RAP1GDS1: variants seen among roughly 807,000 people sequenced by gnomAD.
The protein encoded by RAP1GDS1 is RAP1, GTP-GDP dissociation stimulator 1.
In RAP1GDS1, 35 loss-of-function variants were observed where a neutral mutation model predicts 71.1. The ratio of observed to expected loss-of-function variants is 0.49; its 90% CI spans 0.38 to 0.65. RAP1GDS1 has a LOEUF of 0.65. Ranked by LOEUF, RAP1GDS1 falls within the 30% of genes least tolerant of loss-of-function variation. RAP1GDS1 has a pLI of 0.00. For synonymous variants in RAP1GDS1, 229 were observed against 243.1 expected, an observed-to-expected ratio of 0.94 and a Z score of 0.54; for missense variants, 663 against 706.1, an observed-to-expected ratio of 0.94 and a Z score of 0.69.
intron 2 of RAP1GDS1, among the ~76,000 whole-genome samples, chr4:98,338,656 A>T (rs6846417): frequency 6.6e-6 from 1 of 152,046 alleles, no homozygotes; most frequent in Admixed American, 6.6e-5. Flanking sequence ...TATTGTTCTC[A>T]TAACTCTAAG....
intron 7 of RAP1GDS1, among the ~76,000 whole-genome samples, chr4:98,414,210 T>C (rs1747556053): frequency 7.0e-6 from 1 of 142,378 alleles, no homozygotes; most frequent in Admixed American, 7.0e-5. Flanking sequence ...GCAGAAGCTC[T>C]TTAGTTTAAT....
At chr4:98,429,124 G>A (rs999870047) in intron 12 of RAP1GDS1, among the ~76,000 whole-genome samples, 1 of 152,174 alleles carries the variant, frequency 6.6e-6, no homozygotes, top group African/African-American at 2.4e-5. Context: ...CAGGCATGGT[G>A]GCGGGCGCCT....
At chr4:98,352,721 T>G in intron 4 of RAP1GDS1, 120 bp downstream of exon 4, 1 of 948,860 alleles carries the variant, frequency 1.1e-6, no homozygotes, top group Non-Finnish European at 1.5e-6. Context: ...GCCGGCATGA[T>G]TCAGCACTGC....
chr4:98,402,309 G>A (rs1366986331), intron 6 of RAP1GDS1, among the ~76,000 whole-genome samples: 3 of 152,024 alleles, frequency 2.0e-5, no homozygotes, highest in Non-Finnish European at 4.4e-5. Flanking sequence ...TGGGCTCAAG[G>A]GATCTGCCCA....
intron 12 of RAP1GDS1, among the ~76,000 whole-genome samples, chr4:98,433,077 T>C (rs1750669942): frequency 6.6e-6 from 1 of 152,168 alleles, no homozygotes; most frequent in Non-Finnish European, 1.5e-5. Context: ...CAGAGCTTGA[T>C]GTCTCCTCTG....
At chr4:98,302,543 G>C (rs1405288548) in intron 2 of RAP1GDS1, among the ~76,000 whole-genome samples, 1 of 152,118 alleles carries the variant, frequency 6.6e-6, no homozygotes. Flanking sequence ...ACAAAATGGT[G>C]AAACAGAGAT....
intron 1 of RAP1GDS1, among the ~76,000 whole-genome samples, chr4:98,283,565 A>G (rs1053023396): frequency 2.0e-5 from 3 of 152,164 alleles, no homozygotes; most frequent in Non-Finnish European, 4.4e-5. Flanking sequence ...AAAAAAGGAC[A>G]TAATTTAGAT....
At chr4:98,422,170 A>T (rs1334723509) in intron 12 of RAP1GDS1, among the ~76,000 whole-genome samples, 1 of 151,942 alleles carries the variant, frequency 6.6e-6, no homozygotes, top group Non-Finnish European at 1.5e-5. Flanking sequence ...ACTGCACTCC[A>T]GCCTGGGTGA....
intron 1 of RAP1GDS1, among the ~76,000 whole-genome samples, chr4:98,284,656 TAGA>T (rs1725717451): frequency 6.6e-6 from 1 of 152,102 alleles, no homozygotes; most frequent in East Asian, 1.9e-4. Flanking sequence ...ATGTAACCAT[TAGA>T]ATGCAGCAGA....
intron 2 of RAP1GDS1, among the ~76,000 whole-genome samples, chr4:98,313,940 G>T (rs1412786980): frequency 6.6e-6 from 1 of 152,082 alleles, no homozygotes; most frequent in Non-Finnish European, 1.5e-5. Flanking sequence ...AAATTGGGTC[G>T]TTGTTTTGTT....
intron 4 of RAP1GDS1, among the ~76,000 whole-genome samples, chr4:98,374,386 A>G (rs1287458887): frequency 6.6e-6 from 1 of 152,098 alleles, no homozygotes; most frequent in Non-Finnish European, 1.5e-5. Context: ...TTTCACATCT[A>G]TTCATGGATA....
At chr4:98,330,626 C>T (rs1439627256) in intron 2 of RAP1GDS1, among the ~76,000 whole-genome samples, 4 of 149,304 alleles carry the variant, frequency 2.7e-5, no homozygotes, top group Admixed American at 6.7e-5. Flanking sequence ...AGACGATGGG[C>T]GGCCGGGCAG....
At position 98,275,438 on chromosome 4, in the gene RAP1GDS1, A is replaced by G. The variant is rs1724066734; in HGVS notation, c.4+13869A>G. 2.0e-5 allele frequency among the ~76,000 whole-genome samples: 3 copies of G among 152,220 alleles called. 1 individual carries two copies. In the South Asian group the frequency reaches 6.2e-4, roughly 31 times the overall value. ...CAAACACAGCTATAGGCAATGCACA[A>G]AGGAATGAGTTGTGTTCCAATAAAA... On this transcript the variant is annotated intron_variant, in intron 1 of 14. Transcript: ENST00000408927.
rs1396320463 is a variant in RAP1GDS1, at chr4:98,413,849, G to A, written c.764-2896G>A. Among the ~76,000 whole-genome samples the A allele has an allele frequency of 9.2e-3, 1,387 of 151,328 alleles. 23 individuals carry two copies. Among genetic ancestry groups the A allele is most frequent in the African/African-American group, 0.032 (1,316 of 41,464 alleles). ...ACAGTCCCACCAACAGTGTAAAAGT[G>A]TTCCTATTTCTCCACATCCTCTCCA... On this transcript the variant is annotated intron_variant, in intron 7 of 14. Transcript: ENST00000408927.
At chr4:98,285,440 A>G (rs1036101855) in intron 1 of RAP1GDS1, among the ~76,000 whole-genome samples, 5 of 152,174 alleles carry the variant, frequency 3.3e-5, no homozygotes, top group South Asian at 2.1e-4. Context: ...AAAAATGTCA[A>G]TTAGTACTTT....
At chr4:98,332,610 T>C (rs1734161738) in intron 2 of RAP1GDS1, among the ~76,000 whole-genome samples, 3 of 152,166 alleles carry the variant, frequency 2.0e-5, no homozygotes, top group African/African-American at 7.2e-5. Flanking sequence ...TTCTGAGCTA[T>C]GAATATGAGA....
At chr4:98,427,369 A>G (rs979576023) in intron 12 of RAP1GDS1, among the ~76,000 whole-genome samples, 5 of 152,200 alleles carry the variant, frequency 3.3e-5, no homozygotes, top group Non-Finnish European at 5.9e-5. Flanking sequence ...AGCCAGAGCA[A>G]TCAGACAAGA....
intron 6 of RAP1GDS1, among the ~76,000 whole-genome samples, chr4:98,399,725 A>G (rs777757999): frequency 2.6e-5 from 4 of 152,188 alleles, no homozygotes; most frequent in Non-Finnish European, 5.9e-5. Flanking sequence ...CGAAACCACA[A>G]TGACATATTA....
intron 2 of RAP1GDS1, among the ~76,000 whole-genome samples, chr4:98,296,659 T>A (rs910922912): frequency 6.6e-6 from 1 of 152,164 alleles, no homozygotes; most frequent in African/African-American, 2.4e-5. Context: ...CTCTTTTGAT[T>A]CAGATTATAG....
Sources: gnomAD v4.1 joint callset for allele counts (sites outside exome capture counted in the v4.1 genomes callset) on GRCh38, gnomAD v4.1.1 for gene constraint, MANE v1.5 for transcripts, NCBI Gene and HGNC (gene_info 2026-07-23, HGNC 2026-07-21) for gene names.